TPTE2: variants seen among roughly 807,000 people sequenced by gnomAD.
The protein encoded by TPTE2 is phosphatidylinositol 3,4,5-trisphosphate 3-phosphatase TPTE2.
In TPTE2, 53 loss-of-function variants were observed where a neutral mutation model predicts 78.6. That is an observed-to-expected ratio of 0.67 (90% CI 0.54 to 0.85). TPTE2 has a LOEUF of 0.85. TPTE2 is among the 40% of genes least tolerant of loss of function. The pLI, the probability that TPTE2 is intolerant of heterozygous loss-of-function variation, is 0.00. For missense variants in TPTE2, 461 were observed against 623.0 expected, an observed-to-expected ratio of 0.74 and a Z score of 2.77; for synonymous variants, 175 against 206.2, an observed-to-expected ratio of 0.85 and a Z score of 1.30.
At chr13:19,553,783 G>A in the TPTE2 span, among the ~76,000 whole-genome samples, 1 of 152,196 alleles carries the variant, frequency 6.6e-6, no homozygotes, top group African/African-American at 2.4e-5. Context: ...TGCGTACTGT[G>A]TGTGTATGTG....
chr13:19,476,995 A>C (rs1304770750), intron 4 of TPTE2, among the ~76,000 whole-genome samples: 1 of 152,200 alleles, frequency 6.6e-6, no homozygotes, highest in African/African-American at 2.4e-5. Flanking sequence ...GATAAAGAAA[A>C]TGTGGTACAT....
intron 1 of TPTE2, among the ~76,000 whole-genome samples, chr13:19,495,777 G>C (rs577906043): frequency 6.6e-6 from 1 of 152,208 alleles, no homozygotes; most frequent in African/African-American, 2.4e-5. Context: ...CATGTACATA[G>C]TAAGACAACA....
At chr13:19,504,205 G>A (rs1169724625), upstream of TPTE2, among the ~76,000 whole-genome samples, 3 of 152,122 alleles carry the variant, frequency 2.0e-5, no homozygotes, top group East Asian at 1.9e-4. Flanking sequence ...ACTCACAAGC[G>A]ATGTTTAGTT....
chr13:19,456,969 A>G (rs1450825802), intron 10 of TPTE2, among the ~76,000 whole-genome samples: 1 of 152,222 alleles, frequency 6.6e-6, no homozygotes, highest in Non-Finnish European at 1.5e-5. Flanking sequence ...GTCTGGACTT[A>G]AGTATAGACA....
chr13:19,519,138 A>T (rs1300064328), intron 1 of TPTE2, among the ~76,000 whole-genome samples: 1 of 152,100 alleles, frequency 6.6e-6, no homozygotes, highest in Non-Finnish European at 1.5e-5. Flanking sequence ...ACCATTTCAA[A>T]ATATACCCTA....
At chr13:19,459,796 TG>T (rs1878772770) in intron 10 of TPTE2, among the ~76,000 whole-genome samples, 1 of 152,164 alleles carries the variant, frequency 6.6e-6, no homozygotes, top group South Asian at 2.1e-4. Context: ...TGCTGTGTTG[TG>T]GGGAACTCTT....
intron 1 of TPTE2, among the ~76,000 whole-genome samples, chr13:19,520,678 A>G (rs116047689): frequency 0.025 from 3,843 of 151,998 alleles, 125 homozygotes; most frequent in African/African-American, 0.074. Flanking sequence ...TTCTTTAGGT[A>G]GAAAGTTAAA....
chr13:19,447,044 T>C (rs563673274), intron 13 of TPTE2, among the ~76,000 whole-genome samples: 8 of 152,086 alleles, frequency 5.3e-5, no homozygotes, highest in Admixed American at 1.3e-4. Context: ...CTAAGAAAAA[T>C]TGGCATTCAG....
At chr13:19,476,387 T>C (rs1288482828) in intron 4 of TPTE2, among the ~76,000 whole-genome samples, 1 of 150,894 alleles carries the variant, frequency 6.6e-6, no homozygotes, top group Non-Finnish European at 1.5e-5. Flanking sequence ...GAGACTTCAG[T>C]AGGAGAAGTC....
intron 13 of TPTE2, among the ~76,000 whole-genome samples, chr13:19,445,674 G>A (rs1364795743): frequency 6.6e-6 from 1 of 152,230 alleles, no homozygotes; most frequent in Non-Finnish European, 1.5e-5. Context: ...AGGCATGGTG[G>A]CTCATGCCTG....
chr13:19,453,213 G>T (rs1465749030), intron 10 of TPTE2, among the ~76,000 whole-genome samples: 1 of 151,500 alleles, frequency 6.6e-6, no homozygotes, highest in African/African-American at 2.4e-5. Context: ...ATTTTTAGTA[G>T]AGACAGGGTT....
chr13:19,491,867 C>T (rs543258972), intron 3 of TPTE2, among the ~76,000 whole-genome samples: 16 of 152,150 alleles, frequency 1.1e-4, no homozygotes, highest in Middle Eastern at 3.4e-3. Context: ...TTTGCCCATG[C>T]GTCCAACGTC....
chr13:19,457,636 C>T (rs1278632054), intron 10 of TPTE2, among the ~76,000 whole-genome samples: 11 of 151,888 alleles, frequency 7.2e-5, no homozygotes, highest in African/African-American at 1.2e-4. Context: ...GGTTTTCTGT[C>T]CCTGTGTTAG....
intron 5 of TPTE2, among the ~76,000 whole-genome samples, chr13:19,475,328 C>T (rs553138814): frequency 2.6e-5 from 4 of 152,016 alleles, no homozygotes; most frequent in Middle Eastern, 3.4e-3. Context: ...TCGGTCCAAG[C>T]GATTCTTCTG....
At chr13:19,464,050 G>C (rs1482871130) in intron 10 of TPTE2, among the ~76,000 whole-genome samples, 1 of 152,150 alleles carries the variant, frequency 6.6e-6, no homozygotes, top group Non-Finnish European at 1.5e-5. Context: ...TTGGGCCTCG[G>C]GGGGGTGCAC....
intron 1 of TPTE2, chr13:19,493,758 C>T: frequency 2.0e-6 from 1 of 499,278 alleles, no homozygotes; most frequent in Admixed American, 3.2e-5. Flanking sequence ...ACCTCAGTCC[C>T]AATGTGTGAC....
At chr13:19,560,670 C>A in the TPTE2 span, 1 of 1,538,668 alleles carries the variant, frequency 6.5e-7, no homozygotes, top group Non-Finnish European at 8.9e-7. Context: ...GCTTCTCAGG[C>A]TCAACCACCA....
chr13:19,482,585 A>T, intron 3 of TPTE2, 38 bp from the exon 7 acceptor site: 1 of 1,607,262 alleles, frequency 6.2e-7, no homozygotes, highest in Non-Finnish European at 8.5e-7. Context: ...ATATATCATT[A>T]GATATTTGCT....
chr13:19,518,305 T>C (rs1184180648), intron 1 of TPTE2, among the ~76,000 whole-genome samples: 1 of 152,226 alleles, frequency 6.6e-6, no homozygotes, highest in Non-Finnish European at 1.5e-5. Flanking sequence ...TTGATCATTA[T>C]GCAATGTAAA....
Sources: gnomAD v4.1 joint callset for allele counts (sites outside exome capture counted in the v4.1 genomes callset) on GRCh38, gnomAD v4.1.1 for gene constraint, MANE v1.5 for transcripts, NCBI Gene and HGNC (gene_info 2026-07-23, HGNC 2026-07-21) for gene names.